Variants in PDE4B observed in about 807,000 individuals in gnomAD.
PDE4B encodes the protein 3',5'-cyclic-AMP phosphodiesterase 4B.
PDE4B carries 20 observed loss-of-function variants against 82.2 expected under a neutral mutation model. The observed-to-expected ratio is 0.24, with a 90% CI of 0.17 to 0.35. The LOEUF is 0.35. PDE4B is among the 10% of genes least tolerant of loss of function. The probability of loss-of-function intolerance (pLI) is 1.00; values close to 1 mark genes in which losing one functional copy is unlikely to be tolerated. For synonymous variants in PDE4B, 320 were observed against 318.9 expected (o/e 1.00, Z -0.04); for missense variants, 655 against 907.2 (o/e 0.72, Z 3.57).
chr1:66,175,078 C>T (rs557019509), intron 3 of PDE4B, among the ~76,000 whole-genome samples: 1 of 152,296 alleles, frequency 6.6e-6, no homozygotes, highest in South Asian at 2.1e-4. Context: ...TCCCTCAACA[C>T]ATAAGAATTA....
intron 3 of PDE4B, among the ~76,000 whole-genome samples, chr1:66,060,996 A>C (rs1330830461): frequency 6.6e-6 from 1 of 151,914 alleles, no homozygotes; most frequent in Non-Finnish European, 1.5e-5. Flanking sequence ...GAAGTGAATA[A>C]AATTGAGAAA....
chr1:66,163,531 A>G (rs1438359843), intron 3 of PDE4B, among the ~76,000 whole-genome samples: 1 of 152,120 alleles, frequency 6.6e-6, no homozygotes, highest in Non-Finnish European at 1.5e-5. Context: ...AGTCAATAGT[A>G]TAGATTCTTA....
At chr1:66,142,608 C>G (rs1286976980) in intron 3 of PDE4B, among the ~76,000 whole-genome samples, 1 of 152,124 alleles carries the variant, frequency 6.6e-6, no homozygotes, top group African/African-American at 2.4e-5. Context: ...GAGGAAACAA[C>G]TTCTGGACTA....
intron 1 of PDE4B, among the ~76,000 whole-genome samples, chr1:65,842,118 C>T (rs1159670039): frequency 6.6e-6 from 1 of 152,054 alleles, no homozygotes; most frequent in Non-Finnish European, 1.5e-5. Flanking sequence ...CGAAATAGAT[C>T]ATTTCTAGGG....
At chr1:66,309,665 C>T (rs1044659984) in intron 7 of PDE4B, among the ~76,000 whole-genome samples, 6 of 152,052 alleles carry the variant, frequency 3.9e-5, no homozygotes, top group South Asian at 2.1e-4. Flanking sequence ...CACTCACTAG[C>T]GGCTGTGTAA....
intron 6 of PDE4B, 72 bp from the exon 7 acceptor site, chr1:66,265,966 G>A (rs1655003904): frequency 6.5e-6 from 7 of 1,071,748 alleles, no homozygotes; most frequent in Non-Finnish European, 8.7e-6. Context: ...GTAACCATGA[G>A]GGTGGGGTGT....
chr1:65,846,590 T>C (rs555595925), intron 1 of PDE4B, among the ~76,000 whole-genome samples: 1 of 152,312 alleles, frequency 6.6e-6, no homozygotes, highest in South Asian at 2.1e-4. Context: ...GAAGCTAAGA[T>C]GCTAAGAATG....
intron 3 of PDE4B, among the ~76,000 whole-genome samples, chr1:66,200,935 G>A (rs1648866781): frequency 1.3e-5 from 2 of 152,090 alleles, no homozygotes; most frequent in Admixed American, 1.3e-4. Context: ...GTTTTCAAAG[G>A]GAATGCTTCC....
intron 3 of PDE4B, among the ~76,000 whole-genome samples, chr1:65,944,115 G>C (rs1648581536): frequency 6.6e-6 from 1 of 152,106 alleles, no homozygotes; most frequent in Admixed American, 6.6e-5. Context: ...TATGATGTTA[G>C]CTATGGGTTT....
rs906880863 is a variant in PDE4B, at chr1:66,049,592, C to A, written c.281+130757C>A. On this transcript the variant is annotated intron_variant, in intron 3 of 16. Coordinates refer to ENST00000341517, the MANE Select transcript of PDE4B (RefSeq NM_002600.4). ...GAAAACTCATGTAATTAACATGTAACTTATTTGTATTAAAATTAGTATGCT... is the reference window on the plus strand; with the variant it reads ...GAAAACTCATGTAATTAACATGTAAATTATTTGTATTAAAATTAGTATGCT... 4.6e-5 allele frequency among the ~76,000 whole-genome samples: 7 copies of A among 152,018 alleles called. No individual in the cohort carries two copies. In the East Asian group the frequency reaches 1.4e-3, roughly 29 times the overall value.
intron 3 of PDE4B, among the ~76,000 whole-genome samples, chr1:66,139,994 A>G (rs1372435245): frequency 1.3e-5 from 2 of 152,228 alleles, no homozygotes; most frequent in African/African-American, 4.8e-5. Flanking sequence ...ACTCAACTTA[A>G]GACAGAATGC....
At chr1:66,084,207 T>C (rs1259074166) in intron 3 of PDE4B, among the ~76,000 whole-genome samples, 1 of 152,110 alleles carries the variant, frequency 6.6e-6, no homozygotes, top group Non-Finnish European at 1.5e-5. Context: ...TTGCTGGGAA[T>C]GTGACTGAAA....
At chr1:66,223,228 A>G (rs1407787195) in intron 3 of PDE4B, among the ~76,000 whole-genome samples, 5 of 152,302 alleles carry the variant, frequency 3.3e-5, no homozygotes, top group Non-Finnish European at 5.9e-5. Flanking sequence ...AATGCACAGG[A>G]AAACGAGATA....
chr1:65,796,646 CTTTT>C (rs71058429), intron 1 of PDE4B, among the ~76,000 whole-genome samples: 2 of 76,328 alleles, frequency 2.6e-5, no homozygotes, highest in Non-Finnish European at 2.4e-5. Flanking sequence ...CTTGCTGAAA[CTTTT>C]TTTTTTTTTT....
At chr1:66,106,804 T>A (rs1297127540) in intron 3 of PDE4B, among the ~76,000 whole-genome samples, 1 of 126,250 alleles carries the variant, frequency 7.9e-6, no homozygotes, top group Non-Finnish European at 1.8e-5. Context: ...TCATTTTTTA[T>A]TGCATCTATT....
intron 3 of PDE4B, among the ~76,000 whole-genome samples, chr1:66,227,745 G>T (rs1349356011): frequency 6.6e-6 from 1 of 151,992 alleles, no homozygotes; most frequent in Non-Finnish European, 1.5e-5. Context: ...AAGCTGAAAT[G>T]GTTAGCTCTA....
At chr1:66,074,862 C>A (rs970486351) in intron 3 of PDE4B, among the ~76,000 whole-genome samples, 2 of 152,066 alleles carry the variant, frequency 1.3e-5, no homozygotes, top group Non-Finnish European at 2.9e-5. Context: ...GATTCACCAT[C>A]TTTTGTGTAT....
At position 66,172,125 on chromosome 1, in the gene PDE4B, C is replaced by T. The variant is rs578152323; in HGVS notation, c.282-75335C>T. On this transcript the variant is annotated intron_variant, in intron 3 of 16. Transcript: ENST00000341517. ...CCTTATCCCCTGCTTTTGGAGTCTA[C>T]GGTGTTTATTATTCCTGTCTTTGTG... Among the ~76,000 whole-genome samples the T allele has an allele frequency of 1.8e-3, 275 of 152,156 alleles. 1 individual carries two copies. The highest frequency in any genetic ancestry group is 3.0e-3 in the Non-Finnish European group (204 of 67,990).
At chr1:66,131,912 TGAGAA>T (rs912154739) in intron 3 of PDE4B, among the ~76,000 whole-genome samples, 26 of 151,716 alleles carry the variant, frequency 1.7e-4, no homozygotes, top group African/African-American at 6.1e-4. Context: ...TCAGGATCTG[TGAGAA>T]GAGCCTTCTA....
Sources: allele counts gnomAD v4.1 joint callset (sites outside exome capture counted in the v4.1 genomes callset), GRCh38; gene constraint gnomAD v4.1.1; transcripts MANE v1.5; gene names NCBI Gene and HGNC (gene_info 2026-07-23, HGNC 2026-07-21).